The following ALG8 variants were observed in gnomAD, a reference collection of about 807,000 sequenced individuals.
ALG8 encodes the protein dolichyl pyrophosphate Glc1Man9GlcNAc2 alpha-1,3-glucosyltransferase.
Under a neutral mutation model 70.2 loss-of-function variants are expected in ALG8, and 48 were observed. The observed-to-expected ratio is 0.68, with a 90% CI of 0.54 to 0.87. The LOEUF is 0.87. Among genes scored for constraint, ALG8 ranks in the 40% least tolerant of loss-of-function variants. The pLI, the probability that ALG8 is intolerant of heterozygous loss-of-function variation, is 0.00. For missense variants in ALG8, 572 were observed against 608.7 expected, an observed-to-expected ratio of 0.94 and a Z score of 0.64; for synonymous variants, 234 against 229.0, an observed-to-expected ratio of 1.02 and a Z score of -0.20.
In ALG8 at chr11:78,139,506, A is replaced by T. The variant is rs1335827316; in HGVS notation, c.83T>A (p.Leu28His). The T allele has an allele frequency of 6.4e-7, 1 of 1,560,114 alleles. No homozygotes were observed. Among genetic ancestry groups the T allele is most frequent in the Non-Finnish European group, 8.7e-7 (1 of 1,151,442 alleles). ...ALGVTLLKCL[L>H]IPTYHSTDFE... The stretch of plus-strand genomic sequence containing the variant: ...GCGAGTCCCTTACTATGTGGGGATG[A>T]GAAGGCATTTGAGAAGAGTCACCCC... The change falls in exon 1 of 13, where the codon CTC (leucine) becomes CAC (histidine). Residue 28 changes from leucine to histidine, a missense_variant. Physicochemically the swap from Leu to His is moderately conservative, Grantham distance 99. Transcript: ENST00000299626.
At chr11:78,131,412 G>A (rs1414810826) in intron 1 of ALG8, among the ~76,000 whole-genome samples, 1 of 152,132 alleles carries the variant, frequency 6.6e-6, no homozygotes, top group Non-Finnish European at 1.5e-5. Flanking sequence ...AGACCAGCCT[G>A]GGCAACATAA....
intron 10 of ALG8, among the ~76,000 whole-genome samples, chr11:78,106,558 T>C (rs1275128072): frequency 1.3e-5 from 2 of 152,180 alleles, no homozygotes; most frequent in Non-Finnish European, 2.9e-5. Flanking sequence ...CCGGCTTTCA[T>C]GGTACTTAAT....
chr11:78,119,152 G>A, intron 5 of ALG8, 30 bp downstream of exon 5: 1 of 1,548,090 alleles, frequency 6.5e-7, no homozygotes, highest in South Asian at 1.1e-5. Context: ...ATCTAAAAGG[G>A]AAAAAATCTA....
chr11:78,121,597 C>G (rs1299204421), intron 3 of ALG8, among the ~76,000 whole-genome samples: 2 of 151,538 alleles, frequency 1.3e-5, no homozygotes, highest in East Asian at 1.9e-4. Context: ...AAACAAGGAC[C>G]TCGGGGCCTG....
chr11:78,129,458 A>G (rs990330035), intron 1 of ALG8, among the ~76,000 whole-genome samples: 2 of 152,134 alleles, frequency 1.3e-5, no homozygotes, highest in Non-Finnish European at 2.9e-5. Context: ...AACTATTTGC[A>G]ACAGGTAAAA....
chr11:78,106,458 A>C (rs1860035642), intron 10 of ALG8, among the ~76,000 whole-genome samples: 1 of 152,148 alleles, frequency 6.6e-6, no homozygotes, highest in African/African-American at 2.4e-5. Flanking sequence ...TGGCCTCCCT[A>C]AGTGCTGGGA....
At chr11:78,114,958 AGAGT>A (rs1415613888) in intron 5 of ALG8, among the ~76,000 whole-genome samples, 3 of 152,220 alleles carry the variant, frequency 2.0e-5, no homozygotes, top group Admixed American at 6.5e-5. Context: ...CTTGGGTGAC[AGAGT>A]GAGACCCTGT....
chr11:78,129,198 A>G (rs1590838014), intron 1 of ALG8, among the ~76,000 whole-genome samples: 1 of 151,528 alleles, frequency 6.6e-6, no homozygotes, highest in Non-Finnish European at 1.5e-5. Flanking sequence ...AGGCAGGCGG[A>G]TCACGAGGTC....
chr11:78,111,293 T>C (rs189733135), intron 8 of ALG8, among the ~76,000 whole-genome samples: 22 of 152,248 alleles, frequency 1.4e-4, no homozygotes, highest in African/African-American at 5.1e-4. Context: ...CAGGTTTGTC[T>C]GGCTCCAAAG....
intron 1 of ALG8, among the ~76,000 whole-genome samples, chr11:78,130,348 C>CAAAAAAAAAAA (rs1174378754): frequency 0.072 from 3,512 of 48,614 alleles, 707 homozygotes; most frequent in African/African-American, 0.27. Context: ...GACCCGGTCT[C>CAAAAAAAAAAA]AAAAAAAAAA....
chr11:78,112,916 A>G (rs1860370819), intron 7 of ALG8, 146 bp from the exon 8 acceptor site: 1 of 950,358 alleles, frequency 1.1e-6, no homozygotes, highest in South Asian at 1.6e-5. Context: ...GCTCACCACA[A>G]TGTAAGTTCA....
intron 6 of ALG8, 57 bp downstream of exon 6, chr11:78,114,209 A>G (rs1250713680): frequency 1.2e-6 from 2 of 1,609,090 alleles, no homozygotes; most frequent in African/African-American, 2.7e-5. Flanking sequence ...CAAGCCACCA[A>G]GTCAACACAG....
intron 1 of ALG8, among the ~76,000 whole-genome samples, chr11:78,136,953 G>C (rs1385532126): frequency 6.6e-6 from 1 of 151,382 alleles, no homozygotes; most frequent in Non-Finnish European, 1.5e-5. Context: ...CCAGGCTGGA[G>C]TGCAATAGCG....
At chr11:78,122,142 G>C (rs1009654019) in intron 3 of ALG8, among the ~76,000 whole-genome samples, 64 of 152,114 alleles carry the variant, frequency 4.2e-4, no homozygotes, top group Non-Finnish European at 4.9e-4. Context: ...CATTTGAAGA[G>C]TGGCAAATTT....
In ALG8 at chr11:78,104,398, T is replaced by C. The variant is rs1261448043; in HGVS notation, c.1234A>G (p.Thr412Ala). 6.2e-7 allele frequency: 1 copy of C among 1,601,844 alleles called. No homozygotes were observed. The highest frequency in any genetic ancestry group is 8.5e-7 in the Non-Finnish European group (1 of 1,174,078). ...DASIFLILTT[T>A]GHYSLFPLLF... ...AGAGGAAAGAGGGAATAATGTCCTG[T>C]TGTGGTCAGAATCAGAAAAATCGAA... Residue 412 changes from threonine to alanine, a missense_variant, in exon 11 of 13, where the codon ACA becomes GCA. Thr to Ala is a moderately conservative substitution (Grantham distance 58). Coordinates refer to ENST00000299626, the MANE Select transcript of ALG8 (RefSeq NM_024079.5).
intron 9 of ALG8, 122 bp downstream of exon 9, chr11:78,109,317 CAGA>C (rs1860178627): frequency 7.8e-7 from 1 of 1,286,204 alleles, no homozygotes; most frequent in East Asian, 2.4e-5. Context: ...CTTCAATCTG[CAGA>C]AGGATTACAG....
At chr11:78,139,443 G>A (rs1364672151) in intron 1 of ALG8, 51 bp downstream of exon 1, 3 of 1,537,300 alleles carry the variant, frequency 2.0e-6, no homozygotes, top group Non-Finnish European at 2.6e-6. Context: ...CTCCCGCCCT[G>A]ACCGACCGCG....
Position 78,117,812 on chromosome 11 carries a change from C to T in ALG8, c.546+1370G>A, listed in dbSNP as rs369001897. Among the ~76,000 whole-genome samples, 155 of 148,810 alleles carry T rather than the reference C, an allele frequency of 1.0e-3. 1 individual carries two copies. The South Asian group carries it at 0.03, about 29-fold the overall frequency. On this transcript the variant is annotated intron_variant, in intron 5 of 12. Transcript: ENST00000299626. ...AAAAAAGACCGGGAGCGGTGGCTCA[C>T]GTCTGTAATCCCAGCACTTTGGGAG... is the stretch of plus-strand genomic sequence containing the variant.
At chr11:78,137,381 T>A (rs913110976) in intron 1 of ALG8, 4 of 152,238 alleles carry the variant, frequency 2.6e-5, no homozygotes, top group African/African-American at 9.6e-5. Context: ...CACTTTCTTA[T>A]CACTTGTGTA....
Sources: allele counts gnomAD v4.1 joint callset (sites outside exome capture counted in the v4.1 genomes callset), GRCh38; gene constraint gnomAD v4.1.1; transcripts MANE v1.5; gene names NCBI Gene and HGNC (gene_info 2026-07-23, HGNC 2026-07-21).